The following UTP20 variants were observed in gnomAD, a reference collection of about 807,000 sequenced individuals.
UTP20 encodes the protein UTP20 small subunit processome component.
UTP20 carries 164 observed loss-of-function variants against 329.5 expected under a neutral mutation model. The ratio of observed to expected loss-of-function variants is 0.50; its 90% CI spans 0.44 to 0.57. The LOEUF is 0.57. Ranked by LOEUF, UTP20 falls within the 20% of genes least tolerant of loss-of-function variation. The probability of loss-of-function intolerance (pLI) is 0.00; values close to 1 mark genes in which losing one functional copy is unlikely to be tolerated. For missense variants in UTP20, 3,055 were observed against 3,284.2 expected (o/e 0.93, Z 1.71); for synonymous variants, 1,151 against 1,159.3 (o/e 0.99, Z 0.14).
At position 101,285,572 on chromosome 12, in the gene UTP20, G is replaced by A. The variant is rs1275866065; in HGVS notation, c.129G>A (p.Glu43=). 6.2e-7 allele frequency: 1 copy of A among 1,613,632 alleles called. No individual in the cohort carries two copies. The highest frequency in any genetic ancestry group is 1.1e-5 in the South Asian group (1 of 91,066). The change falls in exon 3 of 62, where the codon GAG becomes GAA. Residue 43 remains glutamate, a splice_region_variant and synonymous_variant. Transcript: ENST00000261637. ...RIDRTASYEE[E]VETYFFEGLL... ...ATGGACTGCTTTAATCTTGACAGGA[G>A]GTTGAAACCTACTTTTTTGAGGGTC...
intron 51 of UTP20, among the ~76,000 whole-genome samples, chr12:101,372,155 T>G (rs955822831): frequency 1.3e-5 from 2 of 152,220 alleles, no homozygotes; most frequent in Admixed American, 6.5e-5. Flanking sequence ...CAGGTACCCT[T>G]CAGAAGAAAC....
chr12:101,288,633 T>C (rs1022001314), intron 5 of UTP20, among the ~76,000 whole-genome samples: 3 of 152,222 alleles, frequency 2.0e-5, no homozygotes, highest in African/African-American at 7.2e-5. Context: ...ACCTGCCTCA[T>C]CTTTGCTCTT....
At chr12:101,330,447 G>A (rs781244822) in intron 27 of UTP20, among the ~76,000 whole-genome samples, 4 of 152,296 alleles carry the variant, frequency 2.6e-5, no homozygotes, top group South Asian at 2.1e-4. Flanking sequence ...TACTTCTAAG[G>A]ATAATGGAAA....
Position 101,317,531 on chromosome 12 carries a change from G to A in UTP20, c.2606G>A (p.Arg869Lys), listed in dbSNP as rs150773203. ...GTTGCTCCAACCCAGGATCTACGGA[G>A]AAAAGGCAAAGGGATGGTGGCAGAG... ...LQVAPTQDLR[R>K]KGKGMVAEEI... The change falls in exon 22 of 62, where the codon AGA becomes AAA. Residue 869 changes from arginine to lysine, a missense_variant. Around this residue, in one of 3 missense-constraint regions of UTP20, gnomAD observed 2,445 missense variants for 2,575.5 expected, o/e 0.95. Coordinates refer to ENST00000261637, the MANE Select transcript of UTP20 (RefSeq NM_014503.3). 1.6e-3 allele frequency: 2,661 copies of A among 1,614,194 alleles called. 4 individuals are homozygous for A. The highest frequency in any genetic ancestry group is 2.1e-3 in the Non-Finnish European group (2,427 of 1,180,022).
chr12:101,312,387 C>T, intron 21 of UTP20, 111 bp downstream of exon 21: 2 of 1,422,578 alleles, frequency 1.4e-6, no homozygotes, highest in East Asian at 2.3e-5. Flanking sequence ...TTCTTTCTTT[C>T]TGCTTCCAAT....
At chr12:101,283,666 A>G (rs1348191878) in intron 2 of UTP20, among the ~76,000 whole-genome samples, 2 of 152,198 alleles carry the variant, frequency 1.3e-5, no homozygotes, top group Admixed American at 6.5e-5. Context: ...CTTAAAGGAC[A>G]TGAAAATGCC....
chr12:101,337,183 T>C (rs1868960403), intron 29 of UTP20, among the ~76,000 whole-genome samples: 1 of 152,212 alleles, frequency 6.6e-6, no homozygotes, highest in Non-Finnish European at 1.5e-5. Context: ...TATAATATAG[T>C]GTCTTGTGTA....
intron 15 of UTP20, among the ~76,000 whole-genome samples, chr12:101,303,633 G>C (rs1872582716): frequency 6.6e-6 from 1 of 152,170 alleles, no homozygotes. Flanking sequence ...TGGGCTGTAG[G>C]AGAAGAGGAC....
rs1210721549 is a variant in UTP20 at position 101,324,470 on chromosome 12, T to A, written c.3042-2611T>A. 3.3e-5 allele frequency among the ~76,000 whole-genome samples: 5 copies of A among 152,170 alleles called. No individual in the cohort carries two copies. The South Asian group carries it at 8.3e-4, about 25-fold the overall frequency. On this transcript the variant is annotated intron_variant, in intron 25 of 61. Transcript: ENST00000261637. Reference sequence around the variant, plus strand: ...AAATTTTTGTATTTTTTTGTAGAGATGTTGTCCCGGCTGGTCTCAAAACTC... The same window carrying A: ...AAATTTTTGTATTTTTTTGTAGAGAAGTTGTCCCGGCTGGTCTCAAAACTC...
At chr12:101,353,004 T>A in intron 39 of UTP20, 43 bp from the exon 40 acceptor site, 1 of 1,254,162 alleles carries the variant, frequency 8.0e-7, no homozygotes. Context: ...CCAGTGATAT[T>A]AATAATCAAA....
chr12:101,358,743 T>C (rs529631771), intron 43 of UTP20, among the ~76,000 whole-genome samples: 1 of 152,302 alleles, frequency 6.6e-6, no homozygotes, highest in Non-Finnish European at 1.5e-5. Flanking sequence ...TTCTTTTTTT[T>C]CCCACATCAG....
intron 17 of UTP20, 58 bp downstream of exon 17, chr12:101,306,819 T>C: frequency 6.8e-7 from 1 of 1,466,634 alleles, no homozygotes; most frequent in Non-Finnish European, 9.2e-7. Context: ...CATATTATTG[T>C]GGTTTCCAAA....
At chr12:101,373,510 G>A (rs1565808031) in intron 53 of UTP20, 40 bp downstream of exon 53, 1 of 1,613,780 alleles carries the variant, frequency 6.2e-7, no homozygotes, top group Admixed American at 1.7e-5. Flanking sequence ...ACTCCTGGAA[G>A]TCCTCAGTCC....
chr12:101,382,949 G>A, intron 58 of UTP20, 92 bp from the exon 59 acceptor site: 2 of 1,439,240 alleles, frequency 1.4e-6, no homozygotes, highest in Non-Finnish European at 1.8e-6. Flanking sequence ...TTTTCTAATT[G>A]TAGAATACCT....
At chr12:101,372,859 T>C (rs1468821465) in intron 51 of UTP20, 25 bp from the exon 52 acceptor site, 1 of 1,586,296 alleles carries the variant, frequency 6.3e-7, no homozygotes, top group Admixed American at 1.7e-5. Context: ...ATCCAAATAA[T>C]CATCTGTGTG....
At chr12:101,285,037 A>T (rs919150284) in intron 2 of UTP20, among the ~76,000 whole-genome samples, 1 of 152,122 alleles carries the variant, frequency 6.6e-6, no homozygotes, top group African/African-American at 2.4e-5. Context: ...GGGCTATTCC[A>T]ACCATTTTCC....
chr12:101,299,645 TTC>T (rs747318641), intron 12 of UTP20, 35 bp from the exon 13 acceptor site: 2 of 1,527,418 alleles, frequency 1.3e-6, no homozygotes, highest in South Asian at 1.3e-5. Context: ...AGCGATTACA[TTC>T]TCTGTTATTT....
intron 43 of UTP20, among the ~76,000 whole-genome samples, chr12:101,358,972 A>T (rs916568630): frequency 2.6e-5 from 4 of 152,136 alleles, no homozygotes; most frequent in Non-Finnish European, 5.9e-5. Context: ...TGATGTGTCT[A>T]AGTGTGGATT....
Position 101,383,223 on chromosome 12 carries a change from C to T in UTP20, c.7839C>T (p.Leu2613=), listed in dbSNP as rs144467682. The T allele has an allele frequency of 5.6e-5, 91 of 1,614,130 alleles. No individual in the cohort carries two copies. Among genetic ancestry groups the T allele is most frequent in the East Asian group, 8.9e-5 (4 of 44,884 alleles). Residue 2613 remains leucine (L), a synonymous_variant, in exon 59 of 62, where the codon CTC becomes CTT. Coordinates refer to ENST00000261637, the MANE Select transcript of UTP20 (RefSeq NM_014503.3). ...GEEKEEVKEE[L]GRPATLLWLI... Reference sequence around the variant, plus strand: ...AGAAGGAAGAGGTGAAGGAAGAGCTCGGCAGGCCGGCCACGCTGCTGTGGT... The same window carrying T: ...AGAAGGAAGAGGTGAAGGAAGAGCTTGGCAGGCCGGCCACGCTGCTGTGGT...
Sources: allele counts gnomAD v4.1 joint callset (sites outside exome capture counted in the v4.1 genomes callset), GRCh38; gene constraint gnomAD v4.1.1; regional missense constraint gnomAD v4.1.1; transcripts MANE v1.5; gene names NCBI Gene and HGNC (gene_info 2026-07-23, HGNC 2026-07-21).